Variants in ADAMTS9 observed in about 807,000 individuals in gnomAD.
ADAMTS9 encodes the protein A disintegrin and metalloproteinase with thrombospondin motifs 9.
In ADAMTS9, 107 loss-of-function variants were observed where a neutral mutation model predicts 257.1. That is an observed-to-expected ratio of 0.42 (90% confidence interval 0.36 to 0.49). ADAMTS9 has a LOEUF of 0.49. Among genes scored for constraint, ADAMTS9 ranks in the 20% least tolerant of loss-of-function variants. ADAMTS9 has a pLI of 0.03. For missense variants in ADAMTS9, 2,353 were observed against 2,469.1 expected, an observed-to-expected ratio of 0.95 and a Z score of 1.00; for synonymous variants, 982 against 880.9, an observed-to-expected ratio of 1.11 and a Z score of -2.03.
intron 12 of ADAMTS9, among the ~76,000 whole-genome samples, chr3:64,639,714 A>G (rs1057056139): frequency 1.9e-4 from 29 of 152,222 alleles, no homozygotes; most frequent in African/African-American, 7.0e-4. Flanking sequence ...TAGCCACCAA[A>G]TAGTTTTTAA....
intron 28 of ADAMTS9, among the ~76,000 whole-genome samples, chr3:64,581,111 G>T (rs2083987325): frequency 6.6e-6 from 1 of 152,182 alleles, no homozygotes; most frequent in Non-Finnish European, 1.5e-5. Context: ...CAAAGGACCT[G>T]GTCAAGGCCA....
At chr3:64,523,494 A>G (rs1368193617) in intron 38 of ADAMTS9, among the ~76,000 whole-genome samples, 2 of 152,216 alleles carry the variant, frequency 1.3e-5, no homozygotes, top group Non-Finnish European at 2.9e-5. Flanking sequence ...CTGCAGAACA[A>G]CTGAAGTGGA....
chr3:64,634,244 T>C (rs188640008), intron 12 of ADAMTS9, among the ~76,000 whole-genome samples: 1 of 152,246 alleles, frequency 6.6e-6, no homozygotes, highest in Non-Finnish European at 1.5e-5. Flanking sequence ...ACATTCATGG[T>C]GCTTCAATGT....
At chr3:64,615,824 A>T in intron 20 of ADAMTS9, 136 bp downstream of exon 20, 1 of 1,043,082 alleles carries the variant, frequency 9.6e-7, no homozygotes. Context: ...GGAAAGCTTG[A>T]ATGGGGTCAG....
At chr3:64,578,188 A>T (rs2083902461) in intron 28 of ADAMTS9, among the ~76,000 whole-genome samples, 1 of 152,008 alleles carries the variant, frequency 6.6e-6, no homozygotes, top group Non-Finnish European at 1.5e-5. Flanking sequence ...CCAATTTAGC[A>T]TTGCTCTATC....
chr3:64,532,822 G>C (rs1354075027), intron 38 of ADAMTS9, among the ~76,000 whole-genome samples: 2 of 152,114 alleles, frequency 1.3e-5, no homozygotes, highest in East Asian at 3.8e-4. Flanking sequence ...TTCATAGAAC[G>C]AACCGCAAGC....
At chr3:64,648,919 G>A (rs960507689) in intron 10 of ADAMTS9, among the ~76,000 whole-genome samples, 1 of 152,048 alleles carries the variant, frequency 6.6e-6, no homozygotes, top group Non-Finnish European at 1.5e-5. Flanking sequence ...TCAAAATTTT[G>A]TTATTATTTC....
chr3:64,621,996 G>A (rs532441848), intron 18 of ADAMTS9, among the ~76,000 whole-genome samples: 1 of 152,078 alleles, frequency 6.6e-6, no homozygotes, highest in South Asian at 2.1e-4. Flanking sequence ...TTCTTAGGAT[G>A]AAGAAATCTA....
At chr3:64,622,085 A>C in intron 18 of ADAMTS9, 113 bp downstream of exon 18, 1 of 1,109,462 alleles carries the variant, frequency 9.0e-7, no homozygotes, top group South Asian at 2.4e-5. Flanking sequence ...AGATTAGAGA[A>C]CGTATGCAGA....
rs1183512730 is a variant in ADAMTS9 at position 64,550,964 on chromosome 3, C to T, written c.4797G>A (p.Lys1599=). 4 of 1,614,114 alleles carry T rather than the reference C, an allele frequency of 2.5e-6. No individual in the cohort carries two copies. Among genetic ancestry groups the T allele is most frequent in the South Asian group, 1.1e-5 (1 of 91,092 alleles). Residue 1599 remains lysine (K), a synonymous_variant, in exon 31 of 40, where the codon AAG becomes AAA. Transcript: ENST00000498707. ...EVHGARCDVS[K]RPVDRESCSL... Reference sequence around the variant, plus strand: ...TACAGCTTTCACGGTCCACCGGCCGCTTGCTCACGTCACAGCGTGCCCCAT... The same window carrying T: ...TACAGCTTTCACGGTCCACCGGCCGTTTGCTCACGTCACAGCGTGCCCCAT...
chr3:64,589,907 C>A (rs1444011859), intron 28 of ADAMTS9: 2 of 152,118 alleles, frequency 1.3e-5, no homozygotes, highest in South Asian at 4.1e-4. Flanking sequence ...ATGCTGTAAG[C>A]CTTTTACAGT....
At chr3:64,635,040 T>C (rs1231902321) in intron 12 of ADAMTS9, among the ~76,000 whole-genome samples, 12 of 152,060 alleles carry the variant, frequency 7.9e-5, no homozygotes, top group Admixed American at 7.9e-4. Context: ...TAAGTGCACA[T>C]AGTAGATGCC....
chr3:64,555,713 G>T (rs1376629288), intron 30 of ADAMTS9, among the ~76,000 whole-genome samples: 1 of 152,170 alleles, frequency 6.6e-6, no homozygotes, highest in Non-Finnish European at 1.5e-5. Context: ...AGATGAGCAG[G>T]AGAATGATGG....
At chr3:64,538,840 G>A (rs974156353) in intron 37 of ADAMTS9, among the ~76,000 whole-genome samples, 12 of 151,318 alleles carry the variant, frequency 7.9e-5, no homozygotes, top group African/African-American at 2.9e-4. Flanking sequence ...TTTTTTTTTA[G>A]AAGTGTCAGT....
intron 38 of ADAMTS9, among the ~76,000 whole-genome samples, chr3:64,524,016 G>C (rs2082881377): frequency 6.6e-6 from 1 of 152,096 alleles, no homozygotes; most frequent in African/African-American, 2.4e-5. Context: ...AACTTATACA[G>C]TGATAAAGTA....
chr3:64,662,205 C>T (rs1340844581), intron 3 of ADAMTS9, among the ~76,000 whole-genome samples: 1 of 152,022 alleles, frequency 6.6e-6, no homozygotes, highest in African/African-American at 2.4e-5. Context: ...TTTCCACATA[C>T]TTTTGAGCTT....
chr3:64,676,987 A>C (rs991678341), intron 3 of ADAMTS9, among the ~76,000 whole-genome samples: 13 of 152,294 alleles, frequency 8.5e-5, no homozygotes, highest in Admixed American at 1.3e-4. Flanking sequence ...AGAACCACTA[A>C]ATCCTCTTGT....
intron 26 of ADAMTS9, 87 bp downstream of exon 26, chr3:64,601,857 A>G (rs2084467815): frequency 1.4e-6 from 2 of 1,463,846 alleles, no homozygotes; most frequent in Non-Finnish European, 1.8e-6. Context: ...AAAGAAAAAA[A>G]TATGCTCTAA....
chr3:64,625,249 T>C (rs1700198424), intron 16 of ADAMTS9, among the ~76,000 whole-genome samples: 1 of 152,188 alleles, frequency 6.6e-6, no homozygotes, highest in Admixed American at 6.5e-5. Flanking sequence ...TGATGATACC[T>C]GTATTGGTTG....
Sources: gnomAD v4.1 joint callset for allele counts (sites outside exome capture counted in the v4.1 genomes callset) on GRCh38, gnomAD v4.1.1 for gene constraint, MANE v1.5 for transcripts, NCBI Gene and HGNC (gene_info 2026-07-23, HGNC 2026-07-21) for gene names.